The following GCLM variants were observed in gnomAD, a reference collection of about 807,000 sequenced individuals.
GCLM encodes the protein glutamate--cysteine ligase regulatory subunit.
In GCLM, 15 loss-of-function variants were observed where a neutral mutation model predicts 36.0. That is an observed-to-expected ratio of 0.42 (90% CI 0.28 to 0.64). The LOEUF is 0.64. Ranked by LOEUF, GCLM falls within the 30% of genes least tolerant of loss-of-function variation. GCLM has a pLI of 0.25. For synonymous variants in GCLM, 129 were observed against 122.8 expected, an observed-to-expected ratio of 1.05 and a Z score of -0.34; for missense variants, 242 against 325.5, an observed-to-expected ratio of 0.74 and a Z score of 1.97.
At chr1:93,899,729 T>TA (rs1656877272) in intron 3 of GCLM, among the ~76,000 whole-genome samples, 1 of 152,140 alleles carries the variant, frequency 6.6e-6, no homozygotes, top group Non-Finnish European at 1.5e-5. Flanking sequence ...AATTTTTTTT[T>TA]AAAACTTAGT....
intron 6 of GCLM, among the ~76,000 whole-genome samples, chr1:93,890,592 C>T (rs1656498723): frequency 6.6e-6 from 1 of 151,972 alleles, no homozygotes. Flanking sequence ...TAAATCATTG[C>T]AAGACCATTT....
In GCLM at chr1:93,896,828, G is replaced by A; in HGVS notation, c.338-8C>T. The A allele has an allele frequency of 6.6e-7, 1 of 1,505,078 alleles. No individual in the cohort carries two copies. The highest frequency in any genetic ancestry group is 9.3e-7 in the Non-Finnish European group (1 of 1,080,970). 93.2% of individuals were successfully genotyped at this position (1,505,078 alleles called of 1,614,324 possible). On this transcript the variant is annotated splice_polypyrimidine_tract_variant and splice_region_variant and intron_variant, in intron 4 of 6. Transcript: ENST00000370238. ...CTCCAAGGACTGAACAGGCTGATAG[G>A]AAGGAAGACACAAAGAAAATAAATG...
chr1:93,889,020 GTAGCCTTTTGATTTGA>G lies in GCLM; in HGVS notation c.779_794del (p.Ile260ThrfsTer12), dbSNP rs1656426784. 6.3e-7 allele frequency: 1 copy of G among 1,597,494 alleles called. No individual in the cohort carries two copies. Among genetic ancestry groups the G allele is most frequent in the Non-Finnish European group, 8.5e-7 (1 of 1,172,602 alleles). ...AACCCCTTCTTTTAGCTTGTAAAAT[GTAGCCTTTTGATTTGA>G]TAATTCCTCTACTTTTCACAATGAC... On this transcript the variant is annotated frameshift_variant, in exon 7 of 7. Transcript: ENST00000370238. LOFTEE classifies it high-confidence loss of function.
At chr1:93,898,730 TC>T (rs1407459631) in intron 3 of GCLM, among the ~76,000 whole-genome samples, 2 of 152,094 alleles carry the variant, frequency 1.3e-5, no homozygotes, top group Admixed American at 6.6e-5. Flanking sequence ...GCTCAAGTGT[TC>T]CTTTCACCTC....
chr1:93,909,379 G>GCGGCTC lies in GCLM; in HGVS notation c.-222_-217dup, dbSNP rs1298972277. On this transcript the variant is annotated 5_prime_UTR_variant, in exon 1 of 7. Coordinates refer to ENST00000370238, the MANE Select transcript of GCLM (RefSeq NM_002061.4). ...GCGGGAAAGGAAGGCACCGGTGGCT[G>GCGGCTC]CGGCTCCGGCTCCGGCTACTGCGGC... is the stretch of plus-strand genomic sequence containing the variant. 1.6e-5 allele frequency: 14 copies of GCGGCTC among 863,250 alleles called. No homozygotes were observed. The highest frequency in any genetic ancestry group is 7.2e-5 in the African/African-American group (4 of 55,416). The allele number at this position is 863,250 out of a possible 1,614,324, so 53.5% of individuals were successfully genotyped here. A position where few individuals can be genotyped will look rare whatever the true frequency, so the allele number is the denominator to read the frequency against.
chr1:93,909,031 C>T lies in GCLM; in HGVS notation c.126+7G>A. On this transcript the variant is annotated splice_region_variant and intron_variant, in intron 1 of 6. Transcript: ENST00000370238. ...GGGAGCCCCGCGGCGAGTGTCGCCA[C>T]GCTCACCTCCTCGCTGTGCGTGGAC... 6.8e-7 allele frequency: 1 copy of T among 1,460,160 alleles called. No individual in the cohort carries two copies. Among genetic ancestry groups the T allele is most frequent in the Non-Finnish European group, 9.0e-7 (1 of 1,110,802 alleles). The allele number at this position is 1,460,160 out of a possible 1,614,324, so 90.5% of individuals were successfully genotyped here.
intron 3 of GCLM, among the ~76,000 whole-genome samples, chr1:93,900,987 T>C (rs1293195297): frequency 1.3e-5 from 2 of 152,208 alleles, no homozygotes; most frequent in Non-Finnish European, 2.9e-5. Flanking sequence ...GCCTGTAATC[T>C]GCACACCCCG....
At position 93,885,939 on chromosome 1, in the gene GCLM, A is replaced by T. The variant is rs1479282437; in HGVS notation, c.*3051T>A. ...TGAACTATTCATGCAAAATAGAATAATTTTTTATTTTCCATTTTATACATA... is the reference window on the plus strand; with the variant it reads ...TGAACTATTCATGCAAAATAGAATATTTTTTTATTTTCCATTTTATACATA... On this transcript the variant is annotated 3_prime_UTR_variant, in exon 7 of 7. Coordinates refer to ENST00000370238, the MANE Select transcript of GCLM (RefSeq NM_002061.4). 6.6e-6 allele frequency: 1 copy of T among 152,148 alleles called. No homozygotes were observed. Among genetic ancestry groups the T allele is most frequent in the South Asian group, 2.1e-4 (1 of 4,832 alleles). The allele number at this position is 152,148 out of a possible 1,614,324, so 9.4% of individuals were successfully genotyped here.
chr1:93,908,912 G>T, intron 1 of GCLM, 126 bp downstream of exon 1: 1 of 716,882 alleles, frequency 1.4e-6, no homozygotes, highest in Non-Finnish European at 2.0e-6. Flanking sequence ...GACCGCGGGC[G>T]GAGCCCAGGT....
chr1:93,904,644 C>T (rs1657077615), intron 1 of GCLM, 56 bp from the exon 2 acceptor site: 15 of 1,048,064 alleles, frequency 1.4e-5, no homozygotes, highest in Non-Finnish European at 1.8e-5. Flanking sequence ...CTTTTCTGTA[C>T]TTCTACAATA....
intron 2 of GCLM, among the ~76,000 whole-genome samples, chr1:93,902,164 TTTTG>T (rs773239107): frequency 2.4e-4 from 36 of 152,208 alleles, no homozygotes; most frequent in East Asian, 9.7e-4. Context: ...TTTTGGGTTT[TTTTG>T]TTTGTTTGTT....
chr1:93,908,413 G>A (rs1035143048), intron 1 of GCLM, among the ~76,000 whole-genome samples: 1 of 152,106 alleles, frequency 6.6e-6, no homozygotes, highest in Non-Finnish European at 1.5e-5. Context: ...TACATGCATA[G>A]AATGTACAAT....
intron 1 of GCLM, among the ~76,000 whole-genome samples, chr1:93,905,113 T>C (rs1657098889): frequency 6.9e-6 from 1 of 145,756 alleles, no homozygotes; most frequent in South Asian, 2.1e-4. Context: ...GTGGAGGTTA[T>C]AGTGTGCTGA....
At chr1:93,894,504 A>G (rs1251559723) in intron 6 of GCLM, 110 bp downstream of exon 6, 4 of 649,576 alleles carry the variant, frequency 6.2e-6, no homozygotes, top group Middle Eastern at 3.9e-4. Context: ...AATAGTTCAG[A>G]TAACACTGTA....
intron 1 of GCLM, among the ~76,000 whole-genome samples, chr1:93,905,431 T>C (rs1458209610): frequency 6.6e-6 from 1 of 152,112 alleles, no homozygotes; most frequent in Non-Finnish European, 1.5e-5. Context: ...CAAGAGCAGT[T>C]TGGACTTTCA....
In GCLM at chr1:93,887,972, A is replaced by G. The variant is rs1656383574; in HGVS notation, c.*1018T>C. On this transcript the variant is annotated 3_prime_UTR_variant, in exon 7 of 7. Transcript: ENST00000370238. ...ACTTTCAATTATATTATTCTGCTTT[A>G]AAATAATTAAGACCATATCTCAAAG... is the stretch of plus-strand genomic sequence containing the variant. 6.6e-6 allele frequency: 1 copy of G among 152,220 alleles called. No individual in the cohort carries two copies. The highest frequency in any genetic ancestry group is 2.4e-5 in the African/African-American group (1 of 41,464). The allele number at this position is 152,220 out of a possible 1,614,324, so 9.4% of individuals were successfully genotyped here.
intron 1 of GCLM, among the ~76,000 whole-genome samples, chr1:93,907,380 C>A (rs1657181623): frequency 2.0e-5 from 3 of 152,042 alleles, no homozygotes; most frequent in African/African-American, 7.2e-5. Context: ...ATCAAGAAAT[C>A]AACATTTTAA....
chr1:93,906,706 G>A (rs1657158001), intron 1 of GCLM, among the ~76,000 whole-genome samples: 1 of 152,030 alleles, frequency 6.6e-6, no homozygotes, highest in Admixed American at 6.5e-5. Flanking sequence ...TTGTACTTGG[G>A]TTAATGTTTG....
At chr1:93,904,714 C>G (rs1387843248) in intron 1 of GCLM, 126 bp from the exon 2 acceptor site, 2 of 646,588 alleles carry the variant, frequency 3.1e-6, no homozygotes, top group Non-Finnish European at 5.4e-6. Flanking sequence ...ACCATACAAA[C>G]CCCAATTTTA....
Sources: allele counts gnomAD v4.1 joint callset (sites outside exome capture counted in the v4.1 genomes callset), GRCh38; gene constraint gnomAD v4.1.1; transcripts MANE v1.5; gene names NCBI Gene and HGNC (gene_info 2026-07-23, HGNC 2026-07-21).